Variants in LRP5 observed in about 807,000 individuals in gnomAD.
The protein encoded by LRP5 is LDL receptor related protein 5, also known as low-density lipoprotein receptor-related protein 5.
A neutral mutation model predicts 154.1 loss-of-function variants in LRP5; 62 were observed. That is an observed-to-expected ratio of 0.40 (90% CI 0.33 to 0.50). The LOEUF (loss-of-function observed/expected upper bound fraction) is 0.50, where lower values mean the gene tolerates loss of function less well. Ranked by LOEUF, LRP5 falls within the 20% of genes least tolerant of loss-of-function variation. The pLI is 0.55. For synonymous variants in LRP5, 966 were observed against 1,011.5 expected, an observed-to-expected ratio of 0.96 and a Z score of 0.85; for missense variants, 1,915 against 2,336.7, an observed-to-expected ratio of 0.82 and a Z score of 3.72.
intron 2 of LRP5, among the ~76,000 whole-genome samples, chr11:68,351,792 T>C (rs1381310727): frequency 3.3e-5 from 5 of 152,116 alleles, no homozygotes; most frequent in Non-Finnish European, 5.9e-5. Context: ...AGTGCTTGGG[T>C]GCTGTGGCGA....
At chr11:68,334,877 T>C (rs2153121729) in intron 1 of LRP5, among the ~76,000 whole-genome samples, 1 of 152,012 alleles carries the variant, frequency 6.6e-6, no homozygotes, top group African/African-American at 2.4e-5. Context: ...AAAAATAAAA[T>C]AAAATAAAAT....
At chr11:68,448,610 G>A (rs1283108852) in intron 22 of LRP5, among the ~76,000 whole-genome samples, 199 bp from the exon 23 acceptor site, 2 of 152,174 alleles carry the variant, frequency 1.3e-5, no homozygotes, top group African/African-American at 4.8e-5. Flanking sequence ...GCATGCCCAT[G>A]GTAGAGGTGG....
intron 1 of LRP5, among the ~76,000 whole-genome samples, chr11:68,327,615 C>T (rs2098600467): frequency 6.6e-6 from 1 of 152,188 alleles, no homozygotes; most frequent in African/African-American, 2.4e-5. Flanking sequence ...CCAGTCTCCC[C>T]ATCTGTAAAA....
Position 68,416,511 on chromosome 11 carries a change from A to G in LRP5, c.3011A>G (p.Lys1004Arg). The G allele has an allele frequency of 6.2e-7, 1 of 1,614,180 alleles. No individual in the cohort carries two copies. Among genetic ancestry groups the G allele is most frequent in the East Asian group, 2.2e-5 (1 of 44,894 alleles). The change falls in exon 13 of 23, where the codon AAG becomes AGG. Residue 1004 changes from lysine (K) to arginine (R), a missense_variant. Transcript: ENST00000294304. ...VDGRQNIKRAKDDGTQPFVLT... is the reference protein window; with the variant it reads ...VDGRQNIKRARDDGTQPFVLT... ...GGGCGCCAGAACATCAAGCGAGCCAAGGACGACGGGACCCAGGCAGGTGCC... is the reference window on the plus strand; with the variant it reads ...GGGCGCCAGAACATCAAGCGAGCCAGGGACGACGGGACCCAGGCAGGTGCC...
At chr11:68,317,664 A>G (rs1405579476) in intron 1 of LRP5, among the ~76,000 whole-genome samples, 2 of 152,254 alleles carry the variant, frequency 1.3e-5, no homozygotes, top group Non-Finnish European at 2.9e-5. Flanking sequence ...CCCATTCCCC[A>G]GCCCCATGTG....
intron 1 of LRP5, among the ~76,000 whole-genome samples, chr11:68,322,189 A>G (rs1442256211): frequency 6.6e-6 from 1 of 151,640 alleles, no homozygotes; most frequent in Non-Finnish European, 1.5e-5. Flanking sequence ...GCTGACGTCC[A>G]TGCCTATTCC....
the LRP5 span, among the ~76,000 whole-genome samples, chr11:68,301,216 G>A: frequency 1.3e-4 from 19 of 149,654 alleles, no homozygotes; most frequent in African/African-American, 4.6e-4. Context: ...ACAGATGTGA[G>A]CCATCCCTGT....
At chr11:68,299,237 G>A in the LRP5 span, among the ~76,000 whole-genome samples, 135 of 152,316 alleles carry the variant, frequency 8.9e-4, no homozygotes, top group African/African-American at 2.8e-3. Flanking sequence ...GAAGGGGCAC[G>A]TGGAAGGGCA....
At chr11:68,393,413 C>T (rs941611812) in intron 7 of LRP5, among the ~76,000 whole-genome samples, 4 of 152,202 alleles carry the variant, frequency 2.6e-5, no homozygotes, top group East Asian at 3.8e-4. Flanking sequence ...ACAGTGGCTG[C>T]GCCGTTCTGC....
At chr11:68,306,025 T>G in the LRP5 span, among the ~76,000 whole-genome samples, 1 of 152,204 alleles carries the variant, frequency 6.6e-6, no homozygotes, top group African/African-American at 2.4e-5. Context: ...TCTTGCAACT[T>G]CTGGGGCTCC....
chr11:68,416,590 A>G, intron 13 of LRP5, 63 bp downstream of exon 13: 1 of 1,505,180 alleles, frequency 6.6e-7, no homozygotes, highest in Non-Finnish European at 9.2e-7. Flanking sequence ...GCTGGTTTCC[A>G]GGCTGCTGCC....
At chr11:68,435,835 C>T (rs1049686439) in intron 18 of LRP5, among the ~76,000 whole-genome samples, 4 of 152,188 alleles carry the variant, frequency 2.6e-5, no homozygotes, top group African/African-American at 9.6e-5. Context: ...AAGCGATTCT[C>T]CTGTATCAGC....
chr11:68,440,637 A>G (rs976951716), intron 21 of LRP5, among the ~76,000 whole-genome samples: 24 of 152,246 alleles, frequency 1.6e-4, no homozygotes, highest in African/African-American at 5.3e-4. Context: ...CTGCAGCTGT[A>G]TGCCCCTAAG....
intron 13 of LRP5, among the ~76,000 whole-genome samples, chr11:68,421,417 T>C (rs1016104910): frequency 6.6e-6 from 1 of 152,160 alleles, no homozygotes; most frequent in Non-Finnish European, 1.5e-5. Flanking sequence ...AAGTCTGTTT[T>C]TGCATCTGGT....
chr11:68,399,677 G>A (rs752198309), intron 7 of LRP5, among the ~76,000 whole-genome samples: 9 of 152,206 alleles, frequency 5.9e-5, no homozygotes, highest in Non-Finnish European at 1.0e-4. Flanking sequence ...GACGCCCAGA[G>A]GCTTGGCTCG....
chr11:68,304,527 G>A, the LRP5 span, among the ~76,000 whole-genome samples: 30 of 152,320 alleles, frequency 2.0e-4, 2 homozygotes, highest in East Asian at 5.8e-3. Context: ...GTGGAGCTGC[G>A]GGACGGGGCC....
chr11:68,399,288 T>C (rs1205916635), intron 7 of LRP5, among the ~76,000 whole-genome samples: 1 of 152,008 alleles, frequency 6.6e-6, no homozygotes, highest in Admixed American at 6.6e-5. Context: ...GGAGGATGGC[T>C]TGAGCCCAGG....
chr11:68,385,581 C>A (rs188461019), intron 5 of LRP5, among the ~76,000 whole-genome samples: 1 of 152,088 alleles, frequency 6.6e-6, no homozygotes, highest in African/African-American at 2.4e-5. Context: ...TTTCTCATCT[C>A]GCACCTGTGT....
chr11:68,303,979 G>C, the LRP5 span, among the ~76,000 whole-genome samples: 4 of 152,220 alleles, frequency 2.6e-5, no homozygotes, highest in African/African-American at 9.6e-5. Context: ...TTTCAGGAGA[G>C]GAGTTCAAGC....
Sources: allele counts gnomAD v4.1 joint callset (sites outside exome capture counted in the v4.1 genomes callset), GRCh38; gene constraint gnomAD v4.1.1; transcripts MANE v1.5; gene names NCBI Gene and HGNC (gene_info 2026-07-23, HGNC 2026-07-21).